The following SLC9C1 variants were observed in gnomAD, a reference collection of about 807,000 sequenced individuals.
SLC9C1 encodes solute carrier family 9 member C1.
Under a neutral mutation model 140.9 loss-of-function variants are expected in SLC9C1, and 97 were observed. The ratio of observed to expected loss-of-function variants is 0.69; its 90% confidence interval spans 0.58 to 0.82. The LOEUF (loss-of-function observed/expected upper bound fraction) is 0.82. Among genes scored for constraint, SLC9C1 ranks in the 40% least tolerant of loss-of-function variants. SLC9C1 has a pLI of 0.00. For synonymous variants in SLC9C1, 440 were observed against 442.6 expected (o/e 0.99, Z 0.07); for missense variants, 1,340 against 1,389.3 (o/e 0.96, Z 0.56).
At chr3:112,197,856 G>C (rs1261022914) in intron 20 of SLC9C1, among the ~76,000 whole-genome samples, 1 of 152,074 alleles carries the variant, frequency 6.6e-6, no homozygotes, top group African/African-American at 2.4e-5. Flanking sequence ...TTATTTTATG[G>C]ATGATTCATG....
chr3:112,287,860 G>C (rs1203570511), intron 1 of SLC9C1, among the ~76,000 whole-genome samples: 2 of 151,948 alleles, frequency 1.3e-5, no homozygotes, highest in Non-Finnish European at 2.9e-5. Flanking sequence ...ATCCTGGTAT[G>C]GTGAAACCCG....
chr3:112,280,484 G>A (rs2108346802), intron 3 of SLC9C1, among the ~76,000 whole-genome samples, 199 bp downstream of exon 3: 1 of 152,152 alleles, frequency 6.6e-6, no homozygotes, highest in East Asian at 1.9e-4. Context: ...CTCAGCTTTT[G>A]CAGATCTCAG....
intron 20 of SLC9C1, among the ~76,000 whole-genome samples, chr3:112,184,622 CG>C (rs1345495966): frequency 6.6e-6 from 1 of 152,178 alleles, no homozygotes; most frequent in Non-Finnish European, 1.5e-5. Context: ...GGCGACAGAG[CG>C]AGACTCCATC....
chr3:112,169,197 C>G lies in SLC9C1; in HGVS notation c.3051G>C (p.Glu1017Asp). Residue 1017 changes from glutamate (E) to aspartate (D), a missense_variant and splice_region_variant, in exon 24 of 29, where the codon GAG becomes GAC. Glu to Asp is a conservative substitution (Grantham distance 45). Coordinates refer to ENST00000305815, the MANE Select transcript of SLC9C1 (RefSeq NM_183061.3). ...ACAAGTTTATACAAGCACTTCCTAC[C>G]TCATAAGATAAGTGTTCTCTGATTT... is the stretch of plus-strand genomic sequence containing the variant. ...ARKIREHLSY[E>D]DWNYNMQLKL... 6.2e-7 allele frequency: 1 copy of G among 1,610,988 alleles called. No homozygotes were observed. The highest frequency in any genetic ancestry group is 8.5e-7 in the Non-Finnish European group (1 of 1,179,148).
intron 28 of SLC9C1, chr3:112,147,582 T>A (rs2074838038): frequency 2.8e-6 from 1 of 360,568 alleles, no homozygotes; most frequent in African/African-American, 2.2e-5. Context: ...TGGAATTTTC[T>A]TTCTTTCAGA....
At chr3:112,212,041 T>G (rs1224598267) in intron 15 of SLC9C1, among the ~76,000 whole-genome samples, 1 of 152,246 alleles carries the variant, frequency 6.6e-6, no homozygotes, top group Non-Finnish European at 1.5e-5. Context: ...CAACATTTGC[T>G]GTTCAGCAAT....
chr3:112,222,864 G>A (rs1438821542), intron 13 of SLC9C1, among the ~76,000 whole-genome samples: 1 of 152,074 alleles, frequency 6.6e-6, no homozygotes, highest in East Asian at 1.9e-4. Context: ...TTTATTAATT[G>A]CATAAAAATC....
chr3:112,244,045 A>G lies in SLC9C1; in HGVS notation c.1229T>C (p.Ile410Thr), dbSNP rs755883917. The change falls in exon 11 of 29, where the codon ATA becomes ACA. Residue 410 changes from isoleucine (I) to threonine (T), a missense_variant. Ile to Thr is a moderately conservative substitution (Grantham distance 89). Transcript: ENST00000305815. ...ILFHGVLVCL[I>T]TLVVNRFILP... ...AATAAATCTATTGACAACAAGGGTT[A>G]TTAGGCATACTAACACTCCATGAAA... The G allele has an allele frequency of 1.2e-6, 2 of 1,607,890 alleles. No homozygotes were observed. Among genetic ancestry groups the G allele is most frequent in the East Asian group, 2.2e-5 (1 of 44,684 alleles).
At chr3:112,191,689 G>A (rs2077664593) in intron 20 of SLC9C1, among the ~76,000 whole-genome samples, 1 of 152,064 alleles carries the variant, frequency 6.6e-6, no homozygotes, top group Non-Finnish European at 1.5e-5. Flanking sequence ...TCAGAATAAT[G>A]ATAGCCTCAT....
intron 10 of SLC9C1, among the ~76,000 whole-genome samples, chr3:112,250,190 G>A (rs1356346487): frequency 1.4e-5 from 2 of 144,492 alleles, no homozygotes; most frequent in Non-Finnish European, 3.1e-5. Context: ...GCGACAGTTT[G>A]CTGAGAATGA....
intron 13 of SLC9C1, among the ~76,000 whole-genome samples, chr3:112,223,328 A>G (rs1436350468): frequency 6.6e-6 from 1 of 152,170 alleles, no homozygotes; most frequent in Non-Finnish European, 1.5e-5. Context: ...AGAAGAGCAC[A>G]AAGAGATTTC....
At chr3:112,201,865 GC>G (rs1193387540) in intron 18 of SLC9C1, among the ~76,000 whole-genome samples, 1 of 151,904 alleles carries the variant, frequency 6.6e-6, no homozygotes, top group African/African-American at 2.4e-5. Flanking sequence ...GATGAAAGAA[GC>G]TTTTGGGCAT....
At chr3:112,272,093 TGCC>T (rs2080094242) in intron 6 of SLC9C1, among the ~76,000 whole-genome samples, 1 of 152,156 alleles carries the variant, frequency 6.6e-6, no homozygotes, top group Non-Finnish European at 1.5e-5. Flanking sequence ...GAACTACACA[TGCC>T]TCTAGGCCAC....
chr3:112,214,098 C>T (rs1220698932), intron 15 of SLC9C1, among the ~76,000 whole-genome samples: 1 of 152,188 alleles, frequency 6.6e-6, no homozygotes, highest in Non-Finnish European at 1.5e-5. Context: ...CAACCAGCTG[C>T]TGAGTGACTA....
intron 10 of SLC9C1, among the ~76,000 whole-genome samples, chr3:112,252,291 C>G (rs538578322): frequency 1.2e-4 from 19 of 152,026 alleles, no homozygotes; most frequent in Non-Finnish European, 2.1e-4. Context: ...GGTCCGAGGT[C>G]CTAGTTCTCT....
rs528187878 is a variant in SLC9C1 at position 112,292,230 on chromosome 3, A to G, written c.-88+1863T>C. 1.1e-3 allele frequency among the ~76,000 whole-genome samples: 166 copies of G among 152,334 alleles called. 1 individual carries two copies. Among genetic ancestry groups the G allele is most frequent in the African/African-American group, 3.8e-3 (159 of 41,576 alleles). On this transcript the variant is annotated intron_variant, in intron 1 of 28. Transcript: ENST00000305815. ...ATCTCCATGACATGAATTTACCCATATAACAAACCTGCACATGTATCCCAG... is the reference window on the plus strand; with the variant it reads ...ATCTCCATGACATGAATTTACCCATGTAACAAACCTGCACATGTATCCCAG...
At chr3:112,223,568 C>CAG (rs72585131) in intron 13 of SLC9C1, among the ~76,000 whole-genome samples, 114,553 of 151,590 alleles carry the variant, frequency 0.76, 43,639 homozygotes, top group East Asian at 0.99. Context: ...GCTTATCAAA[C>CAG]AAATAAACAA....
intron 28 of SLC9C1, among the ~76,000 whole-genome samples, chr3:112,148,507 T>A (rs1013928775): frequency 1.3e-5 from 2 of 152,082 alleles, no homozygotes; most frequent in Non-Finnish European, 2.9e-5. Context: ...CCCTAGGGGG[T>A]ATGACCATAG....
At chr3:112,146,370 G>C (rs931143210) in intron 28 of SLC9C1, among the ~76,000 whole-genome samples, 8 of 151,926 alleles carry the variant, frequency 5.3e-5, no homozygotes, top group African/African-American at 1.7e-4. Flanking sequence ...TAGCTCATTT[G>C]TTCTTGTTTT....
Sources: allele counts gnomAD v4.1 joint callset (sites outside exome capture counted in the v4.1 genomes callset), GRCh38; gene constraint gnomAD v4.1.1; transcripts MANE v1.5; gene names NCBI Gene and HGNC (gene_info 2026-07-23, HGNC 2026-07-21).